SGCD: variants seen among roughly 807,000 people sequenced by gnomAD.
The protein encoded by SGCD is delta-sarcoglycan.
In SGCD, 18 loss-of-function variants were observed where a neutral mutation model predicts 36.6. The ratio of observed to expected loss-of-function variants is 0.49; its 90% CI spans 0.34 to 0.73. The LOEUF (loss-of-function observed/expected upper bound fraction) is 0.73, where lower values mean the gene tolerates loss of function less well. SGCD is among the 30% of genes least tolerant of loss of function. The pLI, the probability that SGCD is intolerant of heterozygous loss-of-function variation, is 0.01. For missense variants in SGCD, 387 were observed against 346.7 expected, an observed-to-expected ratio of 1.12 and a Z score of -0.92; for synonymous variants, 133 against 130.6, an observed-to-expected ratio of 1.02 and a Z score of -0.12.
intron 7 of SGCD, among the ~76,000 whole-genome samples, chr5:156,747,825 G>A (rs967647794): frequency 6.6e-6 from 1 of 152,172 alleles, no homozygotes; most frequent in Non-Finnish European, 1.5e-5. Flanking sequence ...GACCATCTTA[G>A]ATGCTGCCTC....
intron 3 of SGCD, among the ~76,000 whole-genome samples, chr5:156,376,986 CTA>C (rs1233148888): frequency 6.6e-6 from 1 of 151,850 alleles, no homozygotes; most frequent in Non-Finnish European, 1.5e-5. Context: ...AAAAAAATGA[CTA>C]AAAATATAAA....
chr5:156,622,400 T>C (rs2113502475), intron 6 of SGCD, among the ~76,000 whole-genome samples: 1 of 150,004 alleles, frequency 6.7e-6, no homozygotes, highest in Non-Finnish European at 1.5e-5. Context: ...ACCACTGCAC[T>C]CCAGTCTGGG....
At chr5:156,645,461 T>A (rs1763191555) in intron 6 of SGCD, among the ~76,000 whole-genome samples, 2 of 152,098 alleles carry the variant, frequency 1.3e-5, no homozygotes, top group Admixed American at 1.3e-4. Context: ...TCATTATAGA[T>A]GTGAATTGTT....
intron 6 of SGCD, among the ~76,000 whole-genome samples, chr5:156,599,230 A>T (rs534927869): frequency 1.3e-5 from 2 of 152,300 alleles, no homozygotes; most frequent in East Asian, 3.9e-4. Flanking sequence ...CAGACTGTAT[A>T]AACTCTTGGG....
chr5:156,056,305 C>T (rs1046846092), intron 1 of SGCD, among the ~76,000 whole-genome samples: 2 of 145,960 alleles, frequency 1.4e-5, no homozygotes, highest in Non-Finnish European at 3.1e-5. Context: ...AAACAAATCC[C>T]TTTCTTGCCT....
At chr5:156,748,091 G>A (rs1281492482) in intron 7 of SGCD, among the ~76,000 whole-genome samples, 22 of 152,076 alleles carry the variant, frequency 1.4e-4, no homozygotes, top group Admixed American at 1.2e-3. Flanking sequence ...AGAGCCACAC[G>A]GAAGAATCTC....
At chr5:156,143,060 C>T (rs778032240) in intron 3 of SGCD, among the ~76,000 whole-genome samples, 2 of 152,194 alleles carry the variant, frequency 1.3e-5, no homozygotes, top group Non-Finnish European at 2.9e-5. Flanking sequence ...AGAATGGTTC[C>T]ATGGGCCAGT....
chr5:156,683,073 G>C (rs1016115352), intron 7 of SGCD, among the ~76,000 whole-genome samples: 4 of 152,194 alleles, frequency 2.6e-5, no homozygotes, highest in African/African-American at 9.6e-5. Flanking sequence ...TTCTCTGACA[G>C]AATGGAGTGG....
chr5:155,775,741 TC>T, the SGCD span, among the ~76,000 whole-genome samples: 7,669 of 152,150 alleles, frequency 0.05, 612 homozygotes, highest in African/African-American at 0.17. Flanking sequence ...TCACTAAACT[TC>T]TATGAGGTGC....
chr5:155,940,598 C>T (rs1757301263), intron 1 of SGCD, among the ~76,000 whole-genome samples: 1 of 152,130 alleles, frequency 6.6e-6, no homozygotes, highest in African/African-American at 2.4e-5. Context: ...ATAATCCCAG[C>T]ACTTTGGGAG....
At chr5:155,837,753 G>A in the SGCD span, among the ~76,000 whole-genome samples, 13 of 152,268 alleles carry the variant, frequency 8.5e-5, no homozygotes, top group South Asian at 2.1e-4. Context: ...CTTTCCTTAC[G>A]TAGAAATCAG....
chr5:156,606,602 A>G (rs1239686309), intron 6 of SGCD, among the ~76,000 whole-genome samples: 2 of 152,244 alleles, frequency 1.3e-5, no homozygotes, highest in African/African-American at 4.8e-5. Flanking sequence ...TGGTAGCATG[A>G]TGGGAATGGC....
intron 7 of SGCD, among the ~76,000 whole-genome samples, chr5:156,668,327 C>T (rs2113649746): frequency 6.6e-6 from 1 of 152,318 alleles, no homozygotes; most frequent in East Asian, 1.9e-4. Flanking sequence ...TGTATCCCAA[C>T]ATTCTTCCTT....
chr5:156,690,276 C>T (rs1239326112), intron 7 of SGCD, among the ~76,000 whole-genome samples: 6 of 152,210 alleles, frequency 3.9e-5, no homozygotes, highest in African/African-American at 1.4e-4. Context: ...AGGCAGCCTA[C>T]TGAGCCCATG....
At chr5:156,507,024 A>G (rs1454559155) in intron 3 of SGCD, among the ~76,000 whole-genome samples, 3 of 152,196 alleles carry the variant, frequency 2.0e-5, no homozygotes, top group Non-Finnish European at 4.4e-5. Context: ...TTATGTGCCT[A>G]CTGATAGAAG....
At chr5:155,980,630 A>G (rs1758208702) in intron 1 of SGCD, among the ~76,000 whole-genome samples, 1 of 123,446 alleles carries the variant, frequency 8.1e-6, no homozygotes, top group Non-Finnish European at 1.7e-5. Flanking sequence ...AAAAAAAAAA[A>G]AAAAAAAGAG....
chr5:156,589,241 T>G lies in SGCD; in HGVS notation c.305T>G (p.Leu102Arg). 2 of 1,564,684 alleles carry G rather than the reference T, an allele frequency of 1.3e-6. No individual in the cohort carries two copies. Among genetic ancestry groups the G allele is most frequent in the Non-Finnish European group, 1.7e-6 (2 of 1,151,280 alleles). Residue 102 changes from leucine to arginine, a missense_variant, in exon 5 of 9, where the codon CTG becomes CGG. Leu to Arg is a moderately radical substitution (Grantham distance 102). Transcript: ENST00000337851. ...ATTTTCTTATTGCAGGGTAATGCCC[T>G]GTACTTCAAGTCTGCCAGAAATGTT... is the stretch of plus-strand genomic sequence containing the variant. ...KEIQSRPGNA[L>R]YFKSARNVTV...
Position 156,761,292 on chromosome 5 carries a change from C to T in SGCD, c.*1902C>T. On this transcript the variant is annotated 3_prime_UTR_variant, in exon 9 of 9. Coordinates refer to ENST00000337851, the MANE Select transcript of SGCD (RefSeq NM_000337.6). The stretch of plus-strand genomic sequence containing the variant: ...GGTCCTAGCCTGGCCAGTGATGCTG[C>T]TGGCGTCCAGACCCCAGACTCACTC... 1 of 152,328 alleles carries T rather than the reference C, an allele frequency of 6.6e-6. No homozygotes were observed. Among genetic ancestry groups the T allele is most frequent in the Non-Finnish European group, 1.5e-5 (1 of 68,058 alleles). 9.4% of individuals were successfully genotyped at this position (152,328 alleles called of 1,614,324 possible). A position where few individuals can be genotyped will look rare whatever the true frequency, so the allele number is the denominator to read the frequency against.
intron 3 of SGCD, among the ~76,000 whole-genome samples, chr5:156,462,104 T>C (rs1197059404): frequency 6.6e-6 from 1 of 151,804 alleles, no homozygotes; most frequent in Non-Finnish European, 1.5e-5. Context: ...GGATGGGAGG[T>C]GGGAGTGAAA....
Sources: allele counts gnomAD v4.1 joint callset (sites outside exome capture counted in the v4.1 genomes callset), GRCh38; gene constraint gnomAD v4.1.1; transcripts MANE v1.5; gene names NCBI Gene and HGNC (gene_info 2026-07-23, HGNC 2026-07-21).